SLC27A4: variants seen among roughly 807,000 people sequenced by gnomAD.
The protein encoded by SLC27A4 is solute carrier family 27 member 4, also known as long-chain fatty acid transport protein 4.
Under a neutral mutation model 64.4 loss-of-function variants are expected in SLC27A4, and 33 were observed. The ratio of observed to expected loss-of-function variants is 0.51; its 90% CI spans 0.39 to 0.68. SLC27A4 has a LOEUF of 0.68. SLC27A4 is among the 30% of genes least tolerant of loss of function. The pLI, the probability that SLC27A4 is intolerant of heterozygous loss-of-function variation, is 0.00. For missense variants in SLC27A4, 824 were observed against 883.5 expected, an observed-to-expected ratio of 0.93 and a Z score of 0.85; for synonymous variants, 377 against 370.0, an observed-to-expected ratio of 1.02 and a Z score of -0.22.
chr9:128,348,855 G>C, intron 4 of SLC27A4, 152 bp downstream of exon 4: 1 of 782,536 alleles, frequency 1.3e-6, no homozygotes, highest in African/African-American at 1.7e-5. Flanking sequence ...AATGGTGACA[G>C]TAAACCTGGG....
Position 128,345,571 on chromosome 9 carries a change from G to A in SLC27A4, c.556+22G>A, listed in dbSNP as rs767425883. On this transcript the variant is annotated intron_variant, in intron 3 of 12. Transcript: ENST00000300456. This position sits in a 1 kb window ranked among gnomAD's most constrained non-coding sequence, Gnocchi z 4.1. ...TCAGGTGAGCCCCAAGGGGGCGGGGGACAAGCAGGAACCCCATGGGATCTT... is the reference window on the plus strand; with the variant it reads ...TCAGGTGAGCCCCAAGGGGGCGGGGAACAAGCAGGAACCCCATGGGATCTT... The A allele has an allele frequency of 3.2e-6, 5 of 1,586,870 alleles. No homozygotes were observed. The highest frequency in any genetic ancestry group is 3.9e-4 in the Middle Eastern group (2 of 5,176).
chr9:128,356,291 A>T (rs1477230571), intron 12 of SLC27A4, among the ~76,000 whole-genome samples: 1 of 152,074 alleles, frequency 6.6e-6, no homozygotes. Context: ...GGTGGGAGGC[A>T]CTCTAGGCTG....
Position 128,360,614 on chromosome 9 carries a change from T to G in SLC27A4, c.*123T>G. On this transcript the variant is annotated 3_prime_UTR_variant, in exon 13 of 13. Coordinates refer to ENST00000300456, the MANE Select transcript of SLC27A4 (RefSeq NM_005094.4). ...GCCTGGCACCTCCATCCTGAGGTGC[T>G]GCCCCTCCATCCAAAACTGCCAAGT... The G allele has an allele frequency of 1.0e-6, 1 of 989,506 alleles. No individual in the cohort carries two copies. The highest frequency in any genetic ancestry group is 1.5e-6 in the Non-Finnish European group (1 of 654,756). The allele number at this position is 989,506 out of a possible 1,614,324, so 61.3% of individuals were successfully genotyped here. A position where few individuals can be genotyped will look rare whatever the true frequency, so the allele number is the denominator to read the frequency against.
In SLC27A4 at chr9:128,345,389, C is replaced by T. The variant is rs777803494; in HGVS notation, c.396C>T (p.Phe132=). Residue 132 remains phenylalanine, a synonymous_variant, in exon 3 of 13, where the codon TTC becomes TTT. Transcript: ENST00000300456. This position sits in a 1 kb window ranked among gnomAD's most constrained non-coding sequence, Gnocchi z 4.1. The stretch of plus-strand genomic sequence containing the variant: ...CCTCGGGCGATGTGGCTGCCATCTT[C>T]ATGGAGAACCGCAATGAGTTCGTGG... ...GLASGDVAAI[F]MENRNEFVGL... is the part of the protein sequence containing the mutation. The T allele has an allele frequency of 4.3e-6, 7 of 1,613,768 alleles. No homozygotes were observed. Among genetic ancestry groups the T allele is most frequent in the Non-Finnish European group, 5.9e-6 (7 of 1,180,006 alleles).
At chr9:128,342,063 A>C in intron 1 of SLC27A4, 1 of 615,788 alleles carries the variant, frequency 1.6e-6, no homozygotes, top group East Asian at 2.9e-5. Flanking sequence ...GTCAGTACCC[A>C]CCCCCAGGCC....
chr9:128,352,855 G>C, intron 7 of SLC27A4, 108 bp downstream of exon 7: 2 of 1,098,386 alleles, frequency 1.8e-6, no homozygotes, highest in African/African-American at 3.1e-5. Context: ...CATTCCAAAG[G>C]GCTCATTTGT....
chr9:128,353,189 CG>C lies in SLC27A4; in HGVS notation c.1156del (p.Ala386ProfsTer43). The C allele has an allele frequency of 6.2e-7, 1 of 1,614,150 alleles. No individual in the cohort carries two copies. Among genetic ancestry groups the C allele is most frequent in the Non-Finnish European group, 8.5e-7 (1 of 1,180,048 alleles). ...ACATACCCCAGGTGGCTGAGTTCTACGGGGCCACAGAGTGCAACTGTAGCCT... is the reference window on the plus strand; with the variant it reads ...ACATACCCCAGGTGGCTGAGTTCTACGGGCCACAGAGTGCAACTGTAGCCT... ...FHIPQVAEFY[G>X]ATECNCSLGN... On this transcript the variant is annotated frameshift_variant, in exon 8 of 13. Transcript: ENST00000300456. LOFTEE classifies it high-confidence loss of function. The surrounding 1 kb of genome is among the most constrained non-coding windows in gnomAD (Gnocchi z 4.9).
In SLC27A4 at chr9:128,343,154, G is replaced by T; in HGVS notation, c.22G>T (p.Val8Leu). ...CACAATGCTGCTTGGAGCCTCTCTG[G>T]TGGGGGTGCTGCTGTTCTCCAAGCT... MLLGASL[V>L]GVLLFSKLVL... Residue 8 changes from valine (V) to leucine (L), a missense_variant, in exon 2 of 13, where the codon GTG becomes TTG. Transcript: ENST00000300456. 6.2e-7 allele frequency: 1 copy of T among 1,613,938 alleles called. No individual in the cohort carries two copies. The highest frequency in any genetic ancestry group is 1.7e-5 in the Admixed American group (1 of 60,014).
rs779233707 is a variant in SLC27A4 at position 128,348,537 on chromosome 9, C to G, written c.557-8C>G. The G allele has an allele frequency of 6.2e-7, 1 of 1,612,862 alleles. No homozygotes were observed. Among genetic ancestry groups the G allele is most frequent in the Non-Finnish European group, 8.5e-7 (1 of 1,180,034 alleles). Reference sequence around the variant, plus strand: ...GGCCTGCCTGCTGACTGCCCTGTCTCCCCACAGCCATCTGTGAGGTCCATG... The same window carrying G: ...GGCCTGCCTGCTGACTGCCCTGTCTGCCCACAGCCATCTGTGAGGTCCATG... On this transcript the variant is annotated splice_region_variant and splice_polypyrimidine_tract_variant and intron_variant, in intron 3 of 12. Transcript: ENST00000300456.
rs1008083957 is a variant in SLC27A4, at chr9:128,342,036, G to A, written c.-6-1091G>A. ...ACAGGTGTGAGCCACCACTGCCAGC[G>A]AGCCAGAGGCTCTTAAGTCAGTACC... On this transcript the variant is annotated intron_variant, in intron 1 of 12. Transcript: ENST00000300456. The A allele has an allele frequency of 2.8e-5, 15 of 538,786 alleles. No homozygotes were observed. In the Middle Eastern group the frequency reaches 2.1e-3, roughly 76 times the overall value. 33.4% of individuals were successfully genotyped at this position (538,786 alleles called of 1,614,324 possible).
intron 1 of SLC27A4, chr9:128,342,799 C>G: frequency 2.1e-6 from 1 of 465,394 alleles, no homozygotes. Flanking sequence ...ACACCCATTG[C>G]ACAGAGGGCA....
At chr9:128,343,363 C>G in intron 2 of SLC27A4, 70 bp downstream of exon 2, 1 of 1,566,812 alleles carries the variant, frequency 6.4e-7, no homozygotes, top group Non-Finnish European at 8.8e-7. Context: ...CCAAATCTCC[C>G]CAGGCCAGAC....
rs1181085809 is a variant in SLC27A4, at chr9:128,355,043, C to T, written c.1325-10C>T. On this transcript the variant is annotated splice_polypyrimidine_tract_variant and intron_variant, in intron 9 of 12. Coordinates refer to ENST00000300456, the MANE Select transcript of SLC27A4 (RefSeq NM_005094.4). ...CTAGGGCAGATCTGACCCTGCCTTC[C>T]CCACCCCAGGTGAGCCGGGCCAGCT... 12 of 1,609,690 alleles carry T rather than the reference C, an allele frequency of 7.5e-6. No individual in the cohort carries two copies. Among genetic ancestry groups the T allele is most frequent in the Non-Finnish European group, 1.0e-5 (12 of 1,178,394 alleles).
At position 128,361,345 on chromosome 9, in the gene SLC27A4, T is replaced by C. The variant is rs994957099; in HGVS notation, c.*854T>C. The C allele has an allele frequency of 6.6e-6, 1 of 152,442 alleles. No homozygotes were observed. The allele number at this position is 152,442 out of a possible 1,614,324, so 9.4% of individuals were successfully genotyped here. A position where few individuals can be genotyped will look rare whatever the true frequency, so the allele number is the denominator to read the frequency against. Reference sequence around the variant, plus strand: ...CCCGCCTCATCTGTTCATTCACTTATCTAAGCTGAGGGTGTAGCAGGTAAG... The same window carrying C: ...CCCGCCTCATCTGTTCATTCACTTACCTAAGCTGAGGGTGTAGCAGGTAAG... On this transcript the variant is annotated 3_prime_UTR_variant, in exon 13 of 13. Coordinates refer to ENST00000300456, the MANE Select transcript of SLC27A4 (RefSeq NM_005094.4).
chr9:128,354,974 AGAC>A, intron 9 of SLC27A4, 76 bp from the exon 10 acceptor site: 1 of 1,224,350 alleles, frequency 8.2e-7, no homozygotes, highest in Non-Finnish European at 1.1e-6. Context: ...AAAAAAAAAA[AGAC>A]GCAGGGTACA....
chr9:128,356,533 C>T (rs1481227802), intron 12 of SLC27A4, among the ~76,000 whole-genome samples: 3 of 152,272 alleles, frequency 2.0e-5, no homozygotes, highest in Non-Finnish European at 4.4e-5. Flanking sequence ...GGCGCAGTGG[C>T]TCATGCCTGT....
At position 128,351,962 on chromosome 9, in the gene SLC27A4, G is replaced by A. The variant is rs1032336830; in HGVS notation, c.878-676G>A. On this transcript the variant is annotated intron_variant, in intron 6 of 12. Coordinates refer to ENST00000300456, the MANE Select transcript of SLC27A4 (RefSeq NM_005094.4). ...AACACTTTGGGAGGCCGAGGCGGGC[G>A]GATCACGAGGTCAGGAGATCAAGAC... 2.5e-4 allele frequency among the ~76,000 whole-genome samples: 38 copies of A among 151,472 alleles called. 1 individual carries two copies. The East Asian group carries it at 5.5e-3, about 22-fold the overall frequency.
chr9:128,355,201 A>G lies in SLC27A4; in HGVS notation c.1462+11A>G. 6.2e-7 allele frequency: 1 copy of G among 1,612,396 alleles called. No homozygotes were observed. The highest frequency in any genetic ancestry group is 8.5e-7 in the Non-Finnish European group (1 of 1,179,016). ...AGGCCTACCTTACTGGTGGGTCCCC[A>G]GCCCTTCACAGCCCCTTCCTGAGGG... On this transcript the variant is annotated intron_variant, in intron 10 of 12. Coordinates refer to ENST00000300456, the MANE Select transcript of SLC27A4 (RefSeq NM_005094.4).
chr9:128,352,127 G>A (rs1480206235), intron 6 of SLC27A4, among the ~76,000 whole-genome samples: 3 of 151,900 alleles, frequency 2.0e-5, no homozygotes, highest in South Asian at 2.1e-4. Flanking sequence ...CCCGGAAGGC[G>A]GAGCTTGCAG....
Sources: allele counts gnomAD v4.1 joint callset (sites outside exome capture counted in the v4.1 genomes callset), GRCh38; gene constraint gnomAD v4.1.1; non-coding constraint Gnocchi (gnomAD v3.1); transcripts MANE v1.5; gene names NCBI Gene and HGNC (gene_info 2026-07-23, HGNC 2026-07-21).